Variants in PLIN4 observed in about 807,000 individuals in gnomAD.
PLIN4 encodes perilipin-4.
PLIN4 carries 57 observed loss-of-function variants against 52.4 expected under a neutral mutation model. That is an observed-to-expected ratio of 1.09 (90% CI 0.88 to 1.36). The LOEUF (loss-of-function observed/expected upper bound fraction) is 1.36, where lower values mean the gene tolerates loss of function less well. Ranked by LOEUF, PLIN4 falls within the 40% of genes most tolerant of loss-of-function variation. PLIN4 has a pLI of 0.00. For missense variants in PLIN4, 1,757 were observed against 1,770.3 expected, an observed-to-expected ratio of 0.99 and a Z score of 0.13; for synonymous variants, 826 against 785.4, an observed-to-expected ratio of 1.05 and a Z score of -0.86.
At chr19:4,509,417 G>T (rs1976217061) in intron 5 of PLIN4, among the ~76,000 whole-genome samples, 1 of 151,128 alleles carries the variant, frequency 6.6e-6, no homozygotes. Context: ...AGGAGCTCGA[G>T]ACCAGCCTGG....
chr19:4,517,031 G>A (rs1976603033), intron 3 of PLIN4, among the ~76,000 whole-genome samples: 1 of 152,164 alleles, frequency 6.6e-6, no homozygotes, highest in East Asian at 1.9e-4. Flanking sequence ...GCTGCCTATT[G>A]CCAGGCCAAG....
chr19:4,509,899 G>A (rs948119368), intron 5 of PLIN4, among the ~76,000 whole-genome samples: 4 of 151,296 alleles, frequency 2.6e-5, no homozygotes, highest in African/African-American at 9.7e-5. Context: ...GGGTGACAGA[G>A]CAAGACCTTG....
rs767490067 is a variant in PLIN4, at chr19:4,512,094, G to T, written c.1866C>A (p.Thr622=). The T allele has an allele frequency of 6.2e-7, 1 of 1,605,694 alleles. No homozygotes were observed. Among genetic ancestry groups the T allele is most frequent in the South Asian group, 1.1e-5 (1 of 90,768 alleles). The change falls in exon 5 of 8, where the codon ACC becomes ACA. Residue 622 remains threonine, a synonymous_variant. Transcript: ENST00000301286. ...AKGTVQTGMD[T]TKTVLTGTKD... ...TGGTACCGGTTAGGACAGTTTTGGT[G>T]GTGTCCATGCCTGTCTGGACGGTCC...
Position 4,502,285 on chromosome 19 carries a change from C to T in PLIN4, c.*2174G>A. 1 of 517,600 alleles carries T rather than the reference C, an allele frequency of 1.9e-6. No homozygotes were observed. Among genetic ancestry groups the T allele is most frequent in the Non-Finnish European group, 3.5e-6 (1 of 283,346 alleles). 32.1% of individuals were successfully genotyped at this position (517,600 alleles called of 1,614,324 possible). A position where few individuals can be genotyped will look rare whatever the true frequency, so the allele number is the denominator to read the frequency against. ...TGAGCTGGGGCGCAGGCGGCAGTGTCACTGGGCCCGTTTGGGACTGGGTTG... is the reference window on the plus strand; with the variant it reads ...TGAGCTGGGGCGCAGGCGGCAGTGTTACTGGGCCCGTTTGGGACTGGGTTG... On this transcript the variant is annotated 3_prime_UTR_variant, in exon 8 of 8. Transcript: ENST00000301286.
At chr19:4,508,583 GGATCT>G (rs1411257797) in intron 6 of PLIN4, among the ~76,000 whole-genome samples, 180 bp downstream of exon 6, 14 of 152,196 alleles carry the variant, frequency 9.2e-5, no homozygotes, top group Non-Finnish European at 1.5e-5. Context: ...CTGTCTTTAA[GGATCT>G]GATCTAGCTC....
Position 4,512,820 on chromosome 19 carries a change from C to T in PLIN4, c.1140G>A (p.Leu380=). 6.4e-7 allele frequency: 1 copy of T among 1,564,300 alleles called. No homozygotes were observed. Among genetic ancestry groups the T allele is most frequent in the Non-Finnish European group, 8.6e-7 (1 of 1,161,770 alleles). Reference sequence around the variant, plus strand: ...GGCCCCCCTGGATGGCCTCTTTGGCCAAGTTCACGGCACCGGTCACCCCAC... The same window carrying T: ...GGCCCCCCTGGATGGCCTCTTTGGCTAAGTTCACGGCACCGGTCACCCCAC... ...VCSGVTGAVN[L]AKEAIQGGLD... The change falls in exon 5 of 8, where the codon TTG becomes TTA. Residue 380 remains leucine, a synonymous_variant. Coordinates refer to ENST00000301286, the MANE Select transcript of PLIN4 (RefSeq NM_001367868.2).
chr19:4,508,819 G>T lies in PLIN4; in HGVS notation c.3651C>A (p.Gly1217=). Residue 1217 remains glycine, a synonymous_variant, in exon 6 of 8, where the codon GGC becomes GGA. Transcript: ENST00000301286. ...CCAGAGTGTCCCTGGCTTGGAACTG[G>T]CCGTGCTGCAGGTGGCTCACCGCGT... ...FEHAVSHLQH[G]QFQARDTLAQ... The T allele has an allele frequency of 6.2e-7, 1 of 1,602,262 alleles. No individual in the cohort carries two copies. Among genetic ancestry groups the T allele is most frequent in the Non-Finnish European group, 8.5e-7 (1 of 1,174,856 alleles).
rs930175598 is a variant in PLIN4 at position 4,513,123 on chromosome 19, C to A, written c.837G>T (p.Met279Ile). The change falls in exon 5 of 8, where the codon ATG becomes ATT. Residue 279 changes from methionine to isoleucine, a missense_variant. This residue lies in a region of PLIN4 where 99 missense variants were observed against 143.4 expected (regional missense o/e 0.69). Coordinates refer to ENST00000301286, the MANE Select transcript of PLIN4 (RefSeq NM_001367868.2). ...DTVCSGVTGA[M>I]NVAKGTIQTG... ...TCTGGATGGTTCCTTTGGCCACATT[C>A]ATGGCACCAGTCACCCCACTACAGA... is the stretch of plus-strand genomic sequence containing the variant. 11 of 743,724 alleles carry A rather than the reference C, an allele frequency of 1.5e-5. 1 individual carries two copies. The highest frequency in any genetic ancestry group is 3.7e-5 in the African/African-American group (2 of 53,382). 46.1% of individuals were successfully genotyped at this position (743,724 alleles called of 1,614,324 possible).
In PLIN4 at chr19:4,518,300, G is replaced by A. The variant is rs1029604704; in HGVS notation, c.-17-11C>T. 70 of 1,232,688 alleles carry A rather than the reference G, an allele frequency of 5.7e-5. No homozygotes were observed. Among genetic ancestry groups the A allele is most frequent in the Non-Finnish European group, 6.8e-5 (67 of 988,574 alleles). 76.4% of individuals were successfully genotyped at this position (1,232,688 alleles called of 1,614,324 possible). A position where few individuals can be genotyped will look rare whatever the true frequency, so the allele number is the denominator to read the frequency against. On this transcript the variant is annotated splice_polypyrimidine_tract_variant and intron_variant, in intron 1 of 7. Transcript: ENST00000301286. ...TGAGAACGTGAGAAGCTGGAAGGGGGCAGAGAAGGTGCGTGAATGGGGGTT... is the reference window on the plus strand; with the variant it reads ...TGAGAACGTGAGAAGCTGGAAGGGGACAGAGAAGGTGCGTGAATGGGGGTT...
rs779824708 is a variant in PLIN4 at position 4,504,974 on chromosome 19, G to A, written c.3703-27C>T. 25 of 1,574,314 alleles carry A rather than the reference G, an allele frequency of 1.6e-5. 1 individual carries two copies. Among genetic ancestry groups the A allele is most frequent in the Middle Eastern group, 1.7e-4 (1 of 6,032 alleles). ...TGGAGAGAGAGTACAGTGGGGAAATGATGGCTTCTTGGCAAATGACCTTTC... is the reference window on the plus strand; with the variant it reads ...TGGAGAGAGAGTACAGTGGGGAAATAATGGCTTCTTGGCAAATGACCTTTC... On this transcript the variant is annotated intron_variant, in intron 6 of 7. Transcript: ENST00000301286.
intron 4 of PLIN4, 73 bp from the exon 5 acceptor site, chr19:4,513,774 AG>A (rs1268826094): frequency 8.1e-6 from 12 of 1,483,856 alleles, no homozygotes; most frequent in Non-Finnish European, 9.8e-6. Context: ...CTGCCAGCCC[AG>A]CCCCCTAGTG....
chr19:4,512,538 G>T lies in PLIN4; in HGVS notation c.1422C>A (p.Thr474=). ...CCCCTTTGGCCACATTCGCAGCACC[G>T]GTGACCCCACTGCAGACAGTGTCCT... ...GTKDTVCSGV[T]GAANVAKGAV... The change falls in exon 5 of 8, where the codon ACC becomes ACA. Residue 474 remains threonine (T), a synonymous_variant. Transcript: ENST00000301286. 1 of 1,608,812 alleles carries T rather than the reference G, an allele frequency of 6.2e-7. No individual in the cohort carries two copies. Among genetic ancestry groups the T allele is most frequent in the Non-Finnish European group, 8.5e-7 (1 of 1,177,040 alleles).
In PLIN4 at chr19:4,508,932, C is replaced by G; in HGVS notation, c.3538G>C (p.Gly1180Arg). 6.2e-7 allele frequency: 1 copy of G among 1,612,124 alleles called. No homozygotes were observed. The highest frequency in any genetic ancestry group is 1.1e-5 in the South Asian group (1 of 90,962). The change falls in exon 6 of 8, where the codon GGG becomes CGG. Residue 1180 changes from glycine to arginine, a missense_variant. Transcript: ENST00000301286. ...EQAQLAASQP[G>R]PKVLSAEQGS... The stretch of plus-strand genomic sequence containing the variant: ...TGTTCCGCCGACAGCACCTTTGGCC[C>G]AGGCTGGGAGGCAGCCAGCTGAGCT...
chr19:4,505,701 C>T (rs992720593), intron 6 of PLIN4, among the ~76,000 whole-genome samples: 2 of 152,104 alleles, frequency 1.3e-5, no homozygotes, highest in African/African-American at 2.4e-5. Flanking sequence ...GGTAGGGATG[C>T]GGCACGCCGT....
intron 4 of PLIN4, among the ~76,000 whole-genome samples, chr19:4,514,463 C>T (rs1000746670): frequency 7.3e-5 from 11 of 151,666 alleles, no homozygotes; most frequent in South Asian, 6.3e-4. Flanking sequence ...TAATGATATA[C>T]GCCTGTAATC....
chr19:4,508,617 GCAAGCCC>G, intron 6 of PLIN4, 144 bp downstream of exon 6: 1 of 927,796 alleles, frequency 1.1e-6, no homozygotes, highest in Non-Finnish European at 1.6e-6. Context: ...TTGCCAGGAG[GCAAGCCC>G]CATGAGTACA....
In PLIN4 at chr19:4,511,559, T is replaced by C. The variant is rs372120790; in HGVS notation, c.2401A>G (p.Ser801Gly). ...VLTGTKDAVC[S>G]GVTGAANVAK... Reference sequence around the variant, plus strand: ...ACATTCGCAGCACCGGTCACCCCACTGCACACAGCATCCTTGGTACCAGTT... The same window carrying C: ...ACATTCGCAGCACCGGTCACCCCACCGCACACAGCATCCTTGGTACCAGTT... The change falls in exon 5 of 8, where the codon AGT becomes GGT. Residue 801 changes from serine to glycine, a missense_variant. This residue lies in a region of PLIN4 where 96 missense variants were observed against 136.5 expected (regional missense o/e 0.70). Coordinates refer to ENST00000301286, the MANE Select transcript of PLIN4 (RefSeq NM_001367868.2). 21 of 1,481,492 alleles carry C rather than the reference T, an allele frequency of 1.4e-5. No individual in the cohort carries two copies. The highest frequency in any genetic ancestry group is 9.8e-5 in the African/African-American group (6 of 60,982). The allele number at this position is 1,481,492 out of a possible 1,614,324, so 91.8% of individuals were successfully genotyped here. A position where few individuals can be genotyped will look rare whatever the true frequency, so the allele number is the denominator to read the frequency against.
intron 2 of PLIN4, 91 bp from the exon 3 acceptor site, chr19:4,517,789 C>T (rs1284455460): frequency 6.9e-7 from 1 of 1,452,924 alleles, no homozygotes; most frequent in Non-Finnish European, 9.2e-7. Context: ...CCCAATGCCG[C>T]CCCGGCCCCT....
intron 1 of PLIN4, 29 bp downstream of exon 1, chr19:4,518,356 A>G (rs1976646377): frequency 1.6e-6 from 2 of 1,231,782 alleles, no homozygotes; most frequent in South Asian, 4.1e-5. Context: ...CCCACTCCCC[A>G]CTGAAAGCCT....
Sources: allele counts gnomAD v4.1 joint callset (sites outside exome capture counted in the v4.1 genomes callset), GRCh38; gene constraint gnomAD v4.1.1; regional missense constraint gnomAD v4.1.1; transcripts MANE v1.5; gene names NCBI Gene and HGNC (gene_info 2026-07-23, HGNC 2026-07-21).